Variants in ADCY2 observed in about 807,000 individuals in gnomAD.
ADCY2 encodes adenylate cyclase 2, also known as adenylate cyclase type 2.
Under a neutral mutation model 125.2 loss-of-function variants are expected in ADCY2, and 31 were observed. The observed-to-expected ratio is 0.25, with a 90% CI of 0.19 to 0.33. The LOEUF is 0.33. Among genes scored for constraint, ADCY2 ranks in the 10% least tolerant of loss-of-function variants. The pLI, the probability that ADCY2 is intolerant of heterozygous loss-of-function variation, is 1.00. For synonymous variants in ADCY2, 512 were observed against 548.4 expected, an observed-to-expected ratio of 0.93 and a Z score of 0.93; for missense variants, 904 against 1,418.2, an observed-to-expected ratio of 0.64 and a Z score of 5.82.
chr5:7,793,207 G>C (rs910978659), intron 20 of ADCY2, among the ~76,000 whole-genome samples: 1 of 152,162 alleles, frequency 6.6e-6, no homozygotes. Flanking sequence ...TCAGCACTTT[G>C]GGAGGCCAAG....
At chr5:7,411,603 A>G (rs557919577) in intron 1 of ADCY2, among the ~76,000 whole-genome samples, 59 of 152,292 alleles carry the variant, frequency 3.9e-4, no homozygotes, top group African/African-American at 1.3e-3. Context: ...ACTGTGATTA[A>G]TGATGGAGAA....
chr5:7,786,222 C>T (rs527831730), intron 19 of ADCY2, among the ~76,000 whole-genome samples: 74 of 152,282 alleles, frequency 4.9e-4, no homozygotes, highest in African/African-American at 1.7e-3. Flanking sequence ...ACCTGCCATC[C>T]AAAATCATTG....
At chr5:7,807,479 T>A (rs1046196491) in intron 22 of ADCY2, among the ~76,000 whole-genome samples, 1 of 152,198 alleles carries the variant, frequency 6.6e-6, no homozygotes, top group Non-Finnish European at 1.5e-5. Flanking sequence ...TGTCTGTGGA[T>A]GGCCGTTGCC....
chr5:7,756,030 C>G (rs1310714893), intron 15 of ADCY2, among the ~76,000 whole-genome samples: 1 of 152,268 alleles, frequency 6.6e-6, no homozygotes, highest in African/African-American at 2.4e-5. Context: ...TTGAAATCAT[C>G]ACCTTGTTTT....
At chr5:7,779,032 C>T (rs917410587) in intron 18 of ADCY2, among the ~76,000 whole-genome samples, 1 of 152,340 alleles carries the variant, frequency 6.6e-6, no homozygotes, top group African/African-American at 2.4e-5. Flanking sequence ...GCTTTCCCCA[C>T]TCTGCCTGTT....
rs759387418 is a variant in ADCY2, at chr5:7,626,355, CATT to C, written c.720+44_720+46del. ...CATCTTACATCCACATTATTTTAGT[CATT>C]ATTAAAATGATGCTGTTACTATTAA... is the stretch of plus-strand genomic sequence containing the variant. On this transcript the variant is annotated intron_variant, in intron 4 of 24. Transcript: ENST00000338316. 3 of 1,597,958 alleles carry C rather than the reference CATT, an allele frequency of 1.9e-6. No homozygotes were observed. The African/African-American group carries it at 4.0e-5, about 21-fold the overall frequency.
rs999881433 is a variant in ADCY2 at position 7,634,497 on chromosome 5, TC to T, written c.720+8187del. Reference sequence around the variant, plus strand: ...TATGTGTGTTACTGGATGTGACAATTCCCCCCAAAGACTAACGTTGTCATAA... The same window carrying T: ...TATGTGTGTTACTGGATGTGACAATTCCCCCAAAGACTAACGTTGTCATAA... On this transcript the variant is annotated intron_variant, in intron 4 of 24. Transcript: ENST00000338316. Among the ~76,000 whole-genome samples, 14 of 152,144 alleles carry T rather than the reference TC, an allele frequency of 9.2e-5. 1 individual carries two copies. Among genetic ancestry groups the T allele is most frequent in the African/African-American group, 3.4e-4 (14 of 41,514 alleles).
At chr5:7,420,530 A>G (rs1209128738) in intron 2 of ADCY2, among the ~76,000 whole-genome samples, 1 of 152,164 alleles carries the variant, frequency 6.6e-6, no homozygotes, top group Non-Finnish European at 1.5e-5. Context: ...TTTTGACTGT[A>G]AGGGGTGGGG....
chr5:7,645,375 C>T (rs954653558), intron 4 of ADCY2, among the ~76,000 whole-genome samples: 1 of 152,130 alleles, frequency 6.6e-6, no homozygotes, highest in Non-Finnish European at 1.5e-5. Context: ...GCATTTGCAC[C>T]TTCAAAGTCC....
At chr5:7,444,473 C>T (rs1416564040) in intron 2 of ADCY2, among the ~76,000 whole-genome samples, 1 of 152,036 alleles carries the variant, frequency 6.6e-6, no homozygotes, top group East Asian at 1.9e-4. Context: ...CTATAGCTAA[C>T]ACTCTGTATC....
intron 16 of ADCY2, among the ~76,000 whole-genome samples, chr5:7,762,039 A>T (rs1351608278): frequency 1.3e-5 from 2 of 152,186 alleles, no homozygotes; most frequent in Admixed American, 1.3e-4. Flanking sequence ...GATTTTCCAC[A>T]TACCAAGCTG....
At chr5:7,730,831 C>T (rs936191732) in intron 14 of ADCY2, among the ~76,000 whole-genome samples, 7 of 22,854 alleles carry the variant, frequency 3.1e-4, no homozygotes, top group Non-Finnish European at 7.0e-4. Context: ...GCTTGGGGGT[C>T]GGGGGGCGGT....
At chr5:7,484,423 A>G (rs1374091286) in intron 2 of ADCY2, among the ~76,000 whole-genome samples, 2 of 152,110 alleles carry the variant, frequency 1.3e-5, no homozygotes, top group Non-Finnish European at 1.5e-5. Context: ...GTGCCTGTTG[A>G]TCTAAAGGAA....
chr5:7,682,283 G>T lies in ADCY2; in HGVS notation c.721-8408G>T, dbSNP rs141335508. Among the ~76,000 whole-genome samples, 65 of 152,262 alleles carry T rather than the reference G, an allele frequency of 4.3e-4. No homozygotes were observed. The Middle Eastern group carries it at 0.01, about 24-fold the overall frequency. On this transcript the variant is annotated intron_variant, in intron 4 of 24. Coordinates refer to ENST00000338316, the MANE Select transcript of ADCY2 (RefSeq NM_020546.3). ...AATCGCCTGGGAATAATAGGAGAGGGTGCATTTCCGTGCAAAAGAAGAGAC... is the reference window on the plus strand; with the variant it reads ...AATCGCCTGGGAATAATAGGAGAGGTTGCATTTCCGTGCAAAAGAAGAGAC...
intron 4 of ADCY2, among the ~76,000 whole-genome samples, chr5:7,665,654 C>T (rs953367415): frequency 1.3e-5 from 2 of 151,728 alleles, no homozygotes; most frequent in African/African-American, 4.8e-5. Context: ...CCCAACTGGT[C>T]TCTCCTGGGG....
At chr5:7,538,876 T>G (rs2126557396) in intron 3 of ADCY2, among the ~76,000 whole-genome samples, 1 of 141,408 alleles carries the variant, frequency 7.1e-6, no homozygotes, top group East Asian at 2.1e-4. Context: ...TTTTTTTTTT[T>G]TTTTTGAGAC....
chr5:7,713,284 A>T (rs1216252466), intron 11 of ADCY2, among the ~76,000 whole-genome samples: 3 of 152,106 alleles, frequency 2.0e-5, no homozygotes, highest in Non-Finnish European at 4.4e-5. Context: ...TGAGATCAGG[A>T]GTTTGAGACC....
chr5:7,468,544 T>C (rs1276783141), intron 2 of ADCY2, among the ~76,000 whole-genome samples: 1 of 152,152 alleles, frequency 6.6e-6, no homozygotes, highest in East Asian at 1.9e-4. Context: ...TAATTATTAA[T>C]TTTTTTGCGA....
intron 2 of ADCY2, among the ~76,000 whole-genome samples, chr5:7,422,556 G>A (rs1740243060): frequency 6.6e-6 from 1 of 152,130 alleles, no homozygotes; most frequent in East Asian, 1.9e-4. Flanking sequence ...CATTTCTCTT[G>A]TACTAAAGCT....
Sources: gnomAD v4.1 joint callset for allele counts (sites outside exome capture counted in the v4.1 genomes callset) on GRCh38, gnomAD v4.1.1 for gene constraint, MANE v1.5 for transcripts, NCBI Gene and HGNC (gene_info 2026-07-23, HGNC 2026-07-21) for gene names.